The following GLDC variants were observed in gnomAD, a reference collection of about 807,000 sequenced individuals.
GLDC encodes glycine decarboxylase, also known as glycine dehydrogenase (decarboxylating), mitochondrial.
In GLDC, 104 loss-of-function variants were observed where a neutral mutation model predicts 121.3. That is an observed-to-expected ratio of 0.86 (90% confidence interval 0.73 to 1.01). GLDC has a LOEUF of 1.01. GLDC is among the 50% of genes least tolerant of loss of function. The pLI, the probability that GLDC is intolerant of heterozygous loss-of-function variation, is 0.00. For synonymous variants in GLDC, 546 were observed against 480.6 expected, an observed-to-expected ratio of 1.14 and a Z score of -1.78; for missense variants, 1,429 against 1,306.6, an observed-to-expected ratio of 1.09 and a Z score of -1.44.
At chr9:6,620,588 C>G (rs561285452) in intron 2 of GLDC, among the ~76,000 whole-genome samples, 1 of 152,024 alleles carries the variant, frequency 6.6e-6, no homozygotes, top group Non-Finnish European at 1.5e-5. Flanking sequence ...TAGAACTGCC[C>G]ATTTTAACAC....
Position 6,600,377 on chromosome 9 carries a change from G to GA in GLDC, c.1155+1731dup, listed in dbSNP as rs1262739023. ...ACAACAGAGCAAGAATCTGTCTCAA[G>GA]AAAAAAAAAAAAAAAGAAGCCAGGT... is the stretch of plus-strand genomic sequence containing the variant. On this transcript the variant is annotated intron_variant, in intron 8 of 24. Transcript: ENST00000321612. 4.6e-3 allele frequency among the ~76,000 whole-genome samples: 511 copies of GA among 111,056 alleles called. 1 individual carries two copies. Among genetic ancestry groups the GA allele is most frequent in the Middle Eastern group, 8.8e-3 (2 of 226 alleles). The allele number at this position is 111,056 out of a possible 152,430, so 72.9% of individuals were successfully genotyped here.
chr9:6,544,361 G>C (rs1409550332), intron 21 of GLDC, among the ~76,000 whole-genome samples: 1 of 152,082 alleles, frequency 6.6e-6, no homozygotes, highest in Non-Finnish European at 1.5e-5. Flanking sequence ...ACCTCCGCAG[G>C]GACAGGTATT....
chr9:6,639,483 A>G (rs1246997021), intron 2 of GLDC: 1 of 884,138 alleles, frequency 1.1e-6, no homozygotes, highest in African/African-American at 1.6e-5. Context: ...GGCTGTGAAG[A>G]AGCTCTATGA....
chr9:6,548,155 TACAA>T (rs1369317080), intron 21 of GLDC, among the ~76,000 whole-genome samples: 2 of 152,130 alleles, frequency 1.3e-5, no homozygotes, highest in Non-Finnish European at 2.9e-5. Flanking sequence ...TGATCAATTG[TACAA>T]ACAAAGAGGA....
intron 9 of GLDC, among the ~76,000 whole-genome samples, chr9:6,594,807 G>C (rs79514777): frequency 7.5e-6 from 1 of 133,660 alleles, no homozygotes; most frequent in Non-Finnish European, 1.6e-5. Context: ...GGAAATAAAA[G>C]AAAGAAAGAA....
At chr9:6,633,481 T>C (rs957057963) in intron 2 of GLDC, among the ~76,000 whole-genome samples, 3 of 152,172 alleles carry the variant, frequency 2.0e-5, no homozygotes, top group Non-Finnish European at 2.9e-5. Flanking sequence ...TCAAACCCAA[T>C]TCTGCTCAAG....
At chr9:6,542,280 T>TGTGCAGTGACTGTG (rs940052638) in intron 21 of GLDC, 8 of 152,212 alleles carry the variant, frequency 5.3e-5, no homozygotes, top group Non-Finnish European at 1.2e-4. Context: ...GCTCCGTCAC[T>TGTGCAGTGACTGTG]CAGGCTGGAG....
At chr9:6,644,421 C>T (rs1163198063) in intron 2 of GLDC, 193 bp downstream of exon 2, 3 of 639,224 alleles carry the variant, frequency 4.7e-6, no homozygotes, top group Admixed American at 4.9e-5. Context: ...TCTCTCCTAA[C>T]ACAAAACTGT....
At chr9:6,575,329 C>T (rs975551485) in intron 15 of GLDC, among the ~76,000 whole-genome samples, 4 of 152,164 alleles carry the variant, frequency 2.6e-5, no homozygotes, top group African/African-American at 9.7e-5. Flanking sequence ...CAAAAGTCTC[C>T]CCAGGTAATT....
rs1268260237 is a variant in GLDC at position 6,565,346 on chromosome 9, A to G, written c.1926+8T>C. On this transcript the variant is annotated splice_region_variant and intron_variant, in intron 16 of 24. Transcript: ENST00000321612. The stretch of plus-strand genomic sequence containing the variant: ...TGGTGAGCAAGCGCCACCTCCTGCC[A>G]TACTCACCGTTCTGTGCCCCTCTCC... 6 of 1,606,616 alleles carry G rather than the reference A, an allele frequency of 3.7e-6. No homozygotes were observed. The South Asian group carries it at 6.6e-5, about 18-fold the overall frequency.
chr9:6,536,168 C>G lies in GLDC; in HGVS notation c.2734G>C (p.Asp912His). Reference sequence around the variant, plus strand: ...CAGAATCTGTCCAGCTCTGCCTTGTCCTCCGACTCAGTGGGCTCCACCATG... The same window carrying G: ...CAGAATCTGTCCAGCTCTGCCTTGTGCTCCGACTCAGTGGGCTCCACCATG... ...TLMVEPTESEDKAELDRFCDA... is the reference protein window; with the variant it reads ...TLMVEPTESEHKAELDRFCDA... Residue 912 changes from aspartate to histidine, a missense_variant, in exon 23 of 25, where the codon GAC becomes CAC. Coordinates refer to ENST00000321612, the MANE Select transcript of GLDC (RefSeq NM_000170.3). 2 of 1,614,112 alleles carry G rather than the reference C, an allele frequency of 1.2e-6. No individual in the cohort carries two copies. Among genetic ancestry groups the G allele is most frequent in the South Asian group, 2.2e-5 (2 of 91,066 alleles).
intron 8 of GLDC, among the ~76,000 whole-genome samples, chr9:6,597,595 A>T (rs1261922100): frequency 6.6e-6 from 1 of 152,156 alleles, no homozygotes; most frequent in Non-Finnish European, 1.5e-5. Context: ...TATTAAAAAT[A>T]AGAAAAGCCA....
At chr9:6,638,495 G>A (rs751786191) in intron 2 of GLDC, among the ~76,000 whole-genome samples, 5 of 152,122 alleles carry the variant, frequency 3.3e-5, no homozygotes, top group East Asian at 1.9e-4. Context: ...GATTATGGGC[G>A]TGAGTCACTG....
At chr9:6,586,956 G>T (rs1033525585) in intron 15 of GLDC, among the ~76,000 whole-genome samples, 185 bp downstream of exon 15, 1 of 152,192 alleles carries the variant, frequency 6.6e-6, no homozygotes, top group Admixed American at 6.5e-5. Context: ...CCAGCCCACA[G>T]CTCCTCACCA....
chr9:6,643,020 C>G lies in GLDC; in HGVS notation c.334+1594G>C, dbSNP rs534491027. On this transcript the variant is annotated intron_variant, in intron 2 of 24. Transcript: ENST00000321612. Reference sequence around the variant, plus strand: ...TCAAGTGTTTCTGCCACATTAGCCTCCGGAGTAGCTGGGATTACAGGCGCA... The same window carrying G: ...TCAAGTGTTTCTGCCACATTAGCCTGCGGAGTAGCTGGGATTACAGGCGCA... Among the ~76,000 whole-genome samples, 18 of 152,144 alleles carry G rather than the reference C, an allele frequency of 1.2e-4. 1 individual carries two copies. The Middle Eastern group carries it at 0.014, about 115-fold the overall frequency.
intron 4 of GLDC, among the ~76,000 whole-genome samples, chr9:6,608,439 T>G (rs546631894): frequency 7.4e-6 from 1 of 135,114 alleles, no homozygotes; most frequent in East Asian, 2.3e-4. Context: ...ACAAAATAAT[T>G]AAAACAAATA....
At chr9:6,629,958 T>TATATATATATATGTATATATA in intron 2 of GLDC, among the ~76,000 whole-genome samples, 5 of 78,664 alleles carry the variant, frequency 6.4e-5, no homozygotes, top group South Asian at 4.3e-4. Flanking sequence ...TATATATATA[T>TATATATATATATGTATATATA]TTTTTTTTTT....
At chr9:6,576,512 G>A (rs1285809328) in intron 15 of GLDC, among the ~76,000 whole-genome samples, 2 of 152,106 alleles carry the variant, frequency 1.3e-5, no homozygotes, top group Admixed American at 1.3e-4. Flanking sequence ...TGTCGCCCAG[G>A]CTGGGGTGCA....
intron 2 of GLDC, among the ~76,000 whole-genome samples, chr9:6,630,246 G>A (rs1284170336): frequency 1.3e-5 from 2 of 152,062 alleles, no homozygotes; most frequent in East Asian, 3.9e-4. Flanking sequence ...CCCAGCCTGG[G>A]TGACAAAGCG....
Sources: gnomAD v4.1 joint callset for allele counts (sites outside exome capture counted in the v4.1 genomes callset) on GRCh38, gnomAD v4.1.1 for gene constraint, MANE v1.5 for transcripts, NCBI Gene and HGNC (gene_info 2026-07-23, HGNC 2026-07-21) for gene names.